Variants in NMNAT1 observed in about 807,000 individuals in gnomAD.
NMNAT1 encodes nicotinamide nucleotide adenylyltransferase 1, also known as nicotinamide/nicotinic acid mononucleotide adenylyltransferase 1.
In NMNAT1, 11 loss-of-function variants were observed where a neutral mutation model predicts 16.7. The observed-to-expected ratio is 0.66, with a 90% CI of 0.41 to 1.09. The LOEUF (loss-of-function observed/expected upper bound fraction) is 1.09. NMNAT1 is among the 50% of genes least tolerant of loss of function. NMNAT1 has a pLI of 0.00. For missense variants in NMNAT1, 280 were observed against 332.3 expected, an observed-to-expected ratio of 0.84 and a Z score of 1.22; for synonymous variants, 110 against 119.8, an observed-to-expected ratio of 0.92 and a Z score of 0.53.
chr1:9,982,660 C>G lies in NMNAT1; in HGVS notation c.799C>G (p.Leu267Val), dbSNP rs755339818. The change falls in exon 5 of 5, where the codon CTG (leucine) becomes GTG (valine). Residue 267 changes from leucine (L) to valine (V), a missense_variant. By Grantham distance (32) the Leu-to-Val change is conservative. Coordinates refer to ENST00000377205, the MANE Select transcript of NMNAT1 (RefSeq NM_022787.4). Reference protein sequence around the residue: ...ESEDRNAGVILAPLQRNTAEA... With the variant: ...ESEDRNAGVIVAPLQRNTAEA... The stretch of plus-strand genomic sequence containing the variant: ...TGAAGACAGGAATGCTGGGGTCATC[C>G]TGGCCCCTTTGCAGAGAAACACTGC... 1 of 1,613,562 alleles carries G rather than the reference C, an allele frequency of 6.2e-7. No homozygotes were observed. Among genetic ancestry groups the G allele is most frequent in the Non-Finnish European group, 8.5e-7 (1 of 1,179,702 alleles).
chr1:9,961,300 C>T (rs1022091822), intron 1 of NMNAT1, among the ~76,000 whole-genome samples: 1 of 152,120 alleles, frequency 6.6e-6, no homozygotes, highest in Non-Finnish European at 1.5e-5. Flanking sequence ...CCACACCTCT[C>T]GAACTCAGCC....
intron 1 of NMNAT1, among the ~76,000 whole-genome samples, chr1:9,971,002 G>A (rs1227818660): frequency 1.3e-5 from 2 of 152,128 alleles, no homozygotes. Flanking sequence ...TTGGCTTGAC[G>A]ATCTGAGCCA....
intron 4 of NMNAT1, 151 bp from the exon 5 acceptor site, chr1:9,982,150 A>G: frequency 9.9e-7 from 1 of 1,013,600 alleles, no homozygotes; most frequent in Non-Finnish European, 1.4e-6. Flanking sequence ...GGCTAGAGCC[A>G]CCGCACTCGG....
intron 1 of NMNAT1, among the ~76,000 whole-genome samples, chr1:9,965,995 A>T (rs1641533125): frequency 6.6e-6 from 1 of 151,960 alleles, no homozygotes; most frequent in Non-Finnish European, 1.5e-5. Context: ...CTCAAAAAAA[A>T]AAATTTTATT....
intron 1 of NMNAT1, among the ~76,000 whole-genome samples, chr1:9,953,386 C>T (rs1641166179): frequency 6.6e-6 from 1 of 151,504 alleles, no homozygotes; most frequent in Admixed American, 6.6e-5. Context: ...AAGTGATTCT[C>T]CTGCTCCAGC....
the NMNAT1 span, among the ~76,000 whole-genome samples, chr1:9,994,676 G>A: frequency 1.4e-5 from 2 of 147,778 alleles, no homozygotes; most frequent in Non-Finnish European, 3.0e-5. Context: ...GCAATGGCGC[G>A]ATCTCGGCTC....
intron 1 of NMNAT1, among the ~76,000 whole-genome samples, chr1:9,951,856 G>A (rs1283818103): frequency 2.0e-5 from 3 of 152,160 alleles, no homozygotes; most frequent in Non-Finnish European, 4.4e-5. Flanking sequence ...AAAATCTCTT[G>A]TAGAATTTTT....
chr1:9,988,258 G>A (rs977291546), downstream of NMNAT1, among the ~76,000 whole-genome samples: 52 of 151,978 alleles, frequency 3.4e-4, no homozygotes, highest in Middle Eastern at 3.4e-3. Context: ...GCCTCCCAAA[G>A]TGTGGGGATT....
chr1:9,980,695 C>T (rs537384008), intron 3 of NMNAT1, among the ~76,000 whole-genome samples: 35 of 151,240 alleles, frequency 2.3e-4, no homozygotes, highest in Non-Finnish European at 4.7e-4. Context: ...CTCACTCTGT[C>T]GCCCAGGTTG....
At chr1:9,963,780 T>A (rs1343478039) in intron 1 of NMNAT1, among the ~76,000 whole-genome samples, 1 of 152,178 alleles carries the variant, frequency 6.6e-6, no homozygotes, top group African/African-American at 2.4e-5. Context: ...GGTCGAAGAT[T>A]AACTGGAAAA....
chr1:9,972,250 C>T, intron 2 of NMNAT1, 62 bp downstream of exon 2: 1 of 822,496 alleles, frequency 1.2e-6, no homozygotes, highest in Non-Finnish European at 2.1e-6. Flanking sequence ...GTGGCTCACA[C>T]CTGCAATCCC....
chr1:9,956,111 ATAGTAAGAGTTATTAGTGTCATCAC>A (rs1482238502), intron 1 of NMNAT1, among the ~76,000 whole-genome samples: 4 of 151,920 alleles, frequency 2.6e-5, no homozygotes, highest in African/African-American at 9.7e-5. Context: ...TCCATAAATA[ATAGTAAGAGTTATTAGTGTCATCAC>A]TGGTAAATAA....
At chr1:9,976,222 G>C (rs772342550) in intron 3 of NMNAT1, among the ~76,000 whole-genome samples, 9 of 151,558 alleles carry the variant, frequency 5.9e-5, no homozygotes, top group Non-Finnish European at 1.3e-4. Flanking sequence ...CGGGGATGGA[G>C]GTTACAGTGA....
chr1:9,953,740 C>T (rs541754248), intron 1 of NMNAT1, among the ~76,000 whole-genome samples: 14 of 150,832 alleles, frequency 9.3e-5, no homozygotes, highest in Admixed American at 6.0e-4. Context: ...CACACCCGGC[C>T]CTATTTTTTC....
chr1:9,992,313 G>A, the NMNAT1 span, among the ~76,000 whole-genome samples: 1 of 151,808 alleles, frequency 6.6e-6, no homozygotes, highest in Non-Finnish European at 1.5e-5. Flanking sequence ...AAAATCCTGG[G>A]CTCAAATGAT....
At chr1:9,956,962 T>C (rs1264732579) in intron 1 of NMNAT1, among the ~76,000 whole-genome samples, 1 of 151,768 alleles carries the variant, frequency 6.6e-6, no homozygotes, top group East Asian at 1.9e-4. Context: ...AAACTCCTGA[T>C]CTTGTGATCC....
At chr1:9,982,241 C>T in intron 4 of NMNAT1, 60 bp from the exon 5 acceptor site, 3 of 1,525,456 alleles carry the variant, frequency 2.0e-6, no homozygotes, top group Non-Finnish European at 2.6e-6. Context: ...CCCCTTTCCA[C>T]TTGGAGGAGG....
intron 4 of NMNAT1, 67 bp from the exon 5 acceptor site, chr1:9,982,234 C>T (rs1360296247): frequency 1.3e-6 from 2 of 1,521,048 alleles, no homozygotes; most frequent in African/African-American, 1.4e-5. Context: ...AAGTAAACCC[C>T]TTTCCACTTG....
intron 1 of NMNAT1, among the ~76,000 whole-genome samples, chr1:9,965,879 C>T (rs1249323207): frequency 6.6e-6 from 1 of 151,950 alleles, no homozygotes; most frequent in African/African-American, 2.4e-5. Flanking sequence ...GTCCCAGCTA[C>T]TTGGAGGCTG....
Sources: allele counts gnomAD v4.1 joint callset (sites outside exome capture counted in the v4.1 genomes callset), GRCh38; gene constraint gnomAD v4.1.1; transcripts MANE v1.5; gene names NCBI Gene and HGNC (gene_info 2026-07-23, HGNC 2026-07-21).